The following VWF variants were observed in gnomAD, a reference collection of about 807,000 sequenced individuals.
VWF encodes the protein Factor VIII related antigen.
VWF carries 176 observed loss-of-function variants against 308.6 expected under a neutral mutation model. The ratio of observed to expected loss-of-function variants is 0.57; its 90% CI spans 0.50 to 0.65. VWF has a LOEUF of 0.65. Among genes scored for constraint, VWF ranks in the 30% least tolerant of loss-of-function variants. The pLI is 0.00. For missense variants in VWF, 3,146 were observed against 3,648.2 expected, an observed-to-expected ratio of 0.86 and a Z score of 3.55; for synonymous variants, 1,385 against 1,443.4, an observed-to-expected ratio of 0.96 and a Z score of 0.92.
chr12:6,089,761 T>C (rs888048416), intron 6 of VWF, among the ~76,000 whole-genome samples: 2 of 151,968 alleles, frequency 1.3e-5, no homozygotes, highest in African/African-American at 4.8e-5. Context: ...CCAAAAATAA[T>C]AAATCTTTGA....
In VWF at chr12:5,968,113, G is replaced by A. The variant is rs376383073; in HGVS notation, c.7770+14C>T. 30 of 1,613,958 alleles carry A rather than the reference G, an allele frequency of 1.9e-5. No individual in the cohort carries two copies. The highest frequency in any genetic ancestry group is 8.3e-5 in the Admixed American group (5 of 60,014). On this transcript the variant is annotated intron_variant, in intron 46 of 51. Coordinates refer to ENST00000261405, the MANE Select transcript of VWF (RefSeq NM_000552.5). ...TCCCCACCACTTGCTCTGGAGAAGA[G>A]GACAGCGGCTCACCCCAATGACAGT... is the stretch of plus-strand genomic sequence containing the variant.
At chr12:5,973,214 C>T (rs1290434570) in intron 43 of VWF, among the ~76,000 whole-genome samples, 2 of 152,186 alleles carry the variant, frequency 1.3e-5, no homozygotes, top group East Asian at 3.8e-4. Context: ...TCTTTATTTT[C>T]CCTTCCTCCA....
intron 5 of VWF, among the ~76,000 whole-genome samples, chr12:6,100,380 T>A (rs1354627288): frequency 6.7e-6 from 1 of 148,836 alleles, no homozygotes; most frequent in East Asian, 1.9e-4. Context: ...GACCCAGCCA[T>A]CCCATTACTG....
intron 42 of VWF, among the ~76,000 whole-genome samples, chr12:5,979,164 A>G (rs1217548516): frequency 6.6e-6 from 1 of 152,258 alleles, no homozygotes; most frequent in Non-Finnish European, 1.5e-5. Context: ...TGGCTATGAA[A>G]ACTGGAAAAG....
At chr12:6,067,216 G>A (rs965327992) in intron 10 of VWF, among the ~76,000 whole-genome samples, 2 of 152,168 alleles carry the variant, frequency 1.3e-5, no homozygotes, top group Non-Finnish European at 2.9e-5. Context: ...AAGCCTTTTT[G>A]AACTGACCAT....
chr12:6,033,414 C>T (rs1944294475), intron 20 of VWF, among the ~76,000 whole-genome samples: 2 of 152,316 alleles, frequency 1.3e-5, no homozygotes, highest in East Asian at 3.9e-4. Flanking sequence ...CTGGCCTGGG[C>T]AGGGAAGGGC....
chr12:6,039,085 T>C (rs183530646), intron 18 of VWF, among the ~76,000 whole-genome samples: 3 of 152,306 alleles, frequency 2.0e-5, no homozygotes, highest in African/African-American at 4.8e-5. Flanking sequence ...CCAAATTTTG[T>C]GGCAAGTCAC....
rs181493998 is a variant in VWF at position 6,003,491 on chromosome 12, G to A, written c.5843-7269C>T. Among the ~76,000 whole-genome samples, 30 of 151,418 alleles carry A rather than the reference G, an allele frequency of 2.0e-4. No homozygotes were observed. The East Asian group carries it at 5.2e-3, about 26-fold the overall frequency. On this transcript the variant is annotated intron_variant, in intron 34 of 51. Transcript: ENST00000261405. ...AGAATATACACAAAAGAAAGGAAACGGGAGTTAAAATGTTTCACTACAAAA... is the reference window on the plus strand; with the variant it reads ...AGAATATACACAAAAGAAAGGAAACAGGAGTTAAAATGTTTCACTACAAAA...
chr12:6,121,629 C>T (rs1321470756), intron 2 of VWF, among the ~76,000 whole-genome samples: 1 of 152,096 alleles, frequency 6.6e-6, no homozygotes, highest in African/African-American at 2.4e-5. Context: ...TTGGGGCATA[C>T]AGAAGAAAAC....
intron 42 of VWF, among the ~76,000 whole-genome samples, chr12:5,981,053 T>C (rs1026556870): frequency 6.6e-6 from 1 of 152,258 alleles, no homozygotes; most frequent in Non-Finnish European, 1.5e-5. Context: ...ACTATTGTCA[T>C]ATATACTAAC....
intron 18 of VWF, 135 bp downstream of exon 18, chr12:6,044,156 A>C: frequency 2.5e-6 from 3 of 1,195,412 alleles, no homozygotes; most frequent in South Asian, 3.1e-5. Context: ...CCATGCCCCC[A>C]TTACCAGCAC....
chr12:6,037,124 T>C (rs1176427337), intron 18 of VWF, among the ~76,000 whole-genome samples: 1 of 152,202 alleles, frequency 6.6e-6, no homozygotes, highest in Non-Finnish European at 1.5e-5. Flanking sequence ...TCCAAATGTA[T>C]ATATATTTCA....
rs536646052 is a variant in VWF, at chr12:5,952,234, G to A, written c.8115+157C>T. 1.2e-4 allele frequency: 133 copies of A among 1,091,524 alleles called. 1 individual carries two copies. The highest frequency in any genetic ancestry group is 9.7e-4 in the South Asian group (73 of 75,134). The allele number at this position is 1,091,524 out of a possible 1,614,324, so 67.6% of individuals were successfully genotyped here. A position where few individuals can be genotyped will look rare whatever the true frequency, so the allele number is the denominator to read the frequency against. On this transcript the variant is annotated intron_variant, in intron 49 of 51. Transcript: ENST00000261405. ...ATATTGCAGAGAATTTTATCTCTCC[G>A]TAGGCTTTGATTTCGTAATCTCACT...
At chr12:5,969,435 G>C (rs1322816184) in intron 44 of VWF, 44 bp from the exon 45 acceptor site, 4 of 1,612,192 alleles carry the variant, frequency 2.5e-6, no homozygotes, top group Middle Eastern at 1.6e-4. Context: ...GGCAGGGCTG[G>C]AGCCCAGGGT....
chr12:5,950,727 T>C (rs570517480), intron 50 of VWF, among the ~76,000 whole-genome samples: 2 of 152,282 alleles, frequency 1.3e-5, no homozygotes, highest in African/African-American at 4.8e-5. Flanking sequence ...GCCCTGAGCC[T>C]GGCTTATTGT....
At chr12:6,072,225 G>T in intron 9 of VWF, 106 bp downstream of exon 9, 1 of 1,020,660 alleles carries the variant, frequency 9.8e-7, no homozygotes, top group Non-Finnish European at 1.5e-6. Context: ...CTTCTTTCTT[G>T]GCACGGTCCA....
chr12:6,121,011 G>A (rs1244051310), intron 3 of VWF, among the ~76,000 whole-genome samples, 163 bp downstream of exon 3: 1 of 152,192 alleles, frequency 6.6e-6, no homozygotes, highest in Non-Finnish European at 1.5e-5. Flanking sequence ...CCCGGGGAAA[G>A]CCAAGAGGGG....
chr12:6,116,867 G>A (rs1181832639), intron 3 of VWF, among the ~76,000 whole-genome samples: 2 of 152,142 alleles, frequency 1.3e-5, no homozygotes, highest in African/African-American at 2.4e-5. Context: ...TGCGATTTAC[G>A]GTCAAGGAGA....
intron 2 of VWF, 88 bp from the exon 3 acceptor site, chr12:6,121,426 G>A: frequency 6.6e-7 from 1 of 1,503,888 alleles, no homozygotes; most frequent in East Asian, 2.4e-5. Flanking sequence ...GTAGAAATTA[G>A]ACTGCCTCTG....
Sources: gnomAD v4.1 joint callset for allele counts (sites outside exome capture counted in the v4.1 genomes callset) on GRCh38, gnomAD v4.1.1 for gene constraint, MANE v1.5 for transcripts, NCBI Gene and HGNC (gene_info 2026-07-23, HGNC 2026-07-21) for gene names.